JAK2: variants seen among roughly 807,000 people sequenced by gnomAD.
JAK2 encodes the protein Janus kinase 2.
JAK2 carries 86 observed loss-of-function variants against 139.3 expected under a neutral mutation model. The observed-to-expected ratio is 0.62, with a 90% CI of 0.52 to 0.74. The LOEUF (loss-of-function observed/expected upper bound fraction) is 0.74, where lower values mean the gene tolerates loss of function less well. Among genes scored for constraint, JAK2 ranks in the 30% least tolerant of loss-of-function variants. The probability of loss-of-function intolerance (pLI) is 0.00; values close to 1 mark genes in which losing one functional copy is unlikely to be tolerated. For synonymous variants in JAK2, 490 were observed against 437.7 expected, an observed-to-expected ratio of 1.12 and a Z score of -1.49; for missense variants, 1,421 against 1,360.3, an observed-to-expected ratio of 1.04 and a Z score of -0.70.
intron 2 of JAK2, among the ~76,000 whole-genome samples, chr9:5,014,737 T>C (rs1237502877): frequency 6.6e-6 from 1 of 152,216 alleles, no homozygotes; most frequent in East Asian, 1.9e-4. Flanking sequence ...AGAATAGATG[T>C]AACTTATATG....
At chr9:5,081,021 G>A (rs957376526) in intron 18 of JAK2, among the ~76,000 whole-genome samples, 4 of 149,030 alleles carry the variant, frequency 2.7e-5, no homozygotes, top group African/African-American at 7.4e-5. Flanking sequence ...TCAGCCTCCT[G>A]AGTAGCTGGG....
chr9:5,095,681 G>C (rs553369573), intron 22 of JAK2, among the ~76,000 whole-genome samples: 1 of 152,190 alleles, frequency 6.6e-6, no homozygotes, highest in Non-Finnish European at 1.5e-5. Flanking sequence ...AACACGACCA[G>C]TCTCCTATCT....
chr9:5,071,520 A>G (rs1818947131), intron 12 of JAK2, among the ~76,000 whole-genome samples: 1 of 152,216 alleles, frequency 6.6e-6, no homozygotes, highest in Non-Finnish European at 1.5e-5. Context: ...CCTCATTGAC[A>G]TTAAAACAGA....
rs1822659254 is a variant in JAK2 at position 5,112,276 on chromosome 9, CAGCCTCAT to C, written c.3060-10727_3060-10720del. The C allele has an allele frequency of 2.3e-5, 6 of 264,642 alleles. No homozygotes were observed. The South Asian group carries it at 2.4e-4, about 10-fold the overall frequency. The allele number at this position is 264,642 out of a possible 1,614,324, so 16.4% of individuals were successfully genotyped here. A position where few individuals can be genotyped will look rare whatever the true frequency, so the allele number is the denominator to read the frequency against. ...CTGAGGACGGCCCTGCGGGCAGCGC[CAGCCTCAT>C]GCACATCCATGTTGCCCTCTCCAGC... On this transcript the variant is annotated intron_variant, in intron 22 of 24. Transcript: ENST00000381652.
chr9:5,021,430 T>G (rs926908635), intron 2 of JAK2, among the ~76,000 whole-genome samples: 1 of 152,122 alleles, frequency 6.6e-6, no homozygotes, highest in Non-Finnish European at 1.5e-5. Context: ...CGTCCTCAAT[T>G]AGGTTGTTAA....
intron 22 of JAK2, chr9:5,098,005 A>G (rs756804452): frequency 1.9e-4 from 29 of 152,190 alleles, no homozygotes; most frequent in Non-Finnish European, 3.8e-4. Context: ...CATACACCGC[A>G]TGAAATATTA....
At position 5,080,294 on chromosome 9, in the gene JAK2, G is replaced by T. The variant is rs375201828; in HGVS notation, c.2197G>T (p.Ala733Ser). The T allele has an allele frequency of 6.2e-7, 1 of 1,613,198 alleles. No individual in the cohort carries two copies. The highest frequency in any genetic ancestry group is 2.2e-5 in the East Asian group (1 of 44,844). ...CIENPKNLNL[A>S]TDKWSFGTTL... ...TGAAAATCCTAAAAATTTAAATTTGGCAACAGACAAATGGAGTTTTGGTAC... is the reference window on the plus strand; with the variant it reads ...TGAAAATCCTAAAAATTTAAATTTGTCAACAGACAAATGGAGTTTTGGTAC... Residue 733 changes from alanine (A) to serine (S), a missense_variant, in exon 17 of 25, where the codon GCA becomes TCA. Physicochemically the swap from Ala to Ser is moderately conservative, Grantham distance 99 (BLOSUM62 1). Transcript: ENST00000381652.
In JAK2 at chr9:5,104,130, T is replaced by C. The variant is rs551829845; in HGVS notation, c.3059+13219T>C. On this transcript the variant is annotated intron_variant, in intron 22 of 24. Transcript: ENST00000381652. ...AAAAATCAATGAATCCAGGAGCTGG[T>C]TTTTCAAAAAGATCAACAAAATAGA... 2.0e-5 allele frequency among the ~76,000 whole-genome samples: 3 copies of C among 151,888 alleles called. No individual in the cohort carries two copies. In the East Asian group the frequency reaches 5.8e-4, roughly 29 times the overall value.
intron 3 of JAK2, among the ~76,000 whole-genome samples, chr9:5,022,522 A>G (rs941345455): frequency 2.6e-5 from 4 of 152,242 alleles, no homozygotes. Flanking sequence ...TATTAAAGCT[A>G]GATCCTGAGA....
intron 2 of JAK2, among the ~76,000 whole-genome samples, chr9:4,992,243 TC>T (rs1820298230): frequency 6.6e-6 from 1 of 152,204 alleles, no homozygotes; most frequent in Non-Finnish European, 1.5e-5. Flanking sequence ...GGCCTGGATT[TC>T]CTCACAATAT....
Position 5,081,714 on chromosome 9 carries a change from T to C in JAK2, c.2435-11T>C. On this transcript the variant is annotated splice_polypyrimidine_tract_variant and intron_variant, in intron 18 of 24. Transcript: ENST00000381652. ...GCTAATTTAAGGTGATAATATTCTT[T>C]ATTTCTCCAGATTATGAACTATTAA... 1.3e-6 allele frequency: 2 copies of C among 1,571,388 alleles called. No individual in the cohort carries two copies. The highest frequency in any genetic ancestry group is 1.8e-6 in the Non-Finnish European group (2 of 1,142,180).
chr9:5,120,181 T>C (rs2130842800), intron 22 of JAK2, among the ~76,000 whole-genome samples: 1 of 152,336 alleles, frequency 6.6e-6, no homozygotes, highest in East Asian at 1.9e-4. Context: ...AGGAACACCA[T>C]GTCCTCACAT....
intron 2 of JAK2, among the ~76,000 whole-genome samples, chr9:5,011,741 C>G (rs1249848180): frequency 1.3e-5 from 2 of 152,056 alleles, no homozygotes; most frequent in East Asian, 1.9e-4. Flanking sequence ...GGATTTCAAT[C>G]TTTCTCTGAA....
chr9:5,054,575 C>G lies in JAK2; in HGVS notation c.627C>G (p.Phe209Leu). The G allele has an allele frequency of 6.3e-7, 1 of 1,582,102 alleles. No individual in the cohort carries two copies. The highest frequency in any genetic ancestry group is 1.4e-5 in the African/African-American group (1 of 73,536). ...TTTTTATCCCTAGCTACAAGACATT[C>G]TTACCAAAATGTATTCGAGCAAAGA... ...AIYNSISYKT[F>L]LPKCIRAKIQ... The change falls in exon 7 of 25, where the codon TTC (phenylalanine) becomes TTG (leucine). Residue 209 changes from phenylalanine (F) to leucine (L), a missense_variant. By Grantham distance (22) the Phe-to-Leu change is conservative. Coordinates refer to ENST00000381652, the MANE Select transcript of JAK2 (RefSeq NM_004972.4). This position sits in a 1 kb window ranked among gnomAD's most constrained non-coding sequence, Gnocchi z 4.9.
At chr9:5,074,627 C>G (rs970464702) in intron 14 of JAK2, among the ~76,000 whole-genome samples, 27 of 152,182 alleles carry the variant, frequency 1.8e-4, no homozygotes, top group Non-Finnish European at 1.2e-4. Context: ...CTGTCTCTCT[C>G]CCTCTCCTGG....
At chr9:5,101,205 C>T (rs1317595871) in intron 22 of JAK2, among the ~76,000 whole-genome samples, 1 of 152,212 alleles carries the variant, frequency 6.6e-6, no homozygotes. Flanking sequence ...AACAGTCTTA[C>T]CAAATGGCAC....
intron 19 of JAK2, chr9:5,085,367 T>C: frequency 1.1e-6 from 1 of 904,520 alleles, no homozygotes; most frequent in Non-Finnish European, 1.8e-6. Flanking sequence ...TGATAGGTGA[T>C]CTCATGCACC....
chr9:5,114,235 A>G (rs1822925219), intron 22 of JAK2: 1 of 526,396 alleles, frequency 1.9e-6, no homozygotes, highest in Non-Finnish European at 3.7e-6. Context: ...TTCATCCGCA[A>G]GTTGCCCACA....
chr9:5,126,638 T>G (rs1824016924), intron 24 of JAK2, 46 bp from the exon 25 acceptor site: 2 of 1,305,250 alleles, frequency 1.5e-6, no homozygotes. Flanking sequence ...AATTAAAAGA[T>G]GGCCCTTAGT....
Sources: gnomAD v4.1 joint callset for allele counts (sites outside exome capture counted in the v4.1 genomes callset) on GRCh38, gnomAD v4.1.1 for gene constraint, Gnocchi (gnomAD v3.1) non-coding constraint, MANE v1.5 for transcripts, NCBI Gene and HGNC (gene_info 2026-07-23, HGNC 2026-07-21) for gene names.